The following DNM3 variants were observed in gnomAD, a reference collection of about 807,000 sequenced individuals.
DNM3 encodes dynamin 3, also known as dynamin-3.
In DNM3, 47 loss-of-function variants were observed where a neutral mutation model predicts 101.6. The ratio of observed to expected loss-of-function variants is 0.46; its 90% CI spans 0.37 to 0.59. The LOEUF (loss-of-function observed/expected upper bound fraction) is 0.59, where lower values mean the gene tolerates loss of function less well. DNM3 is among the 20% of genes least tolerant of loss of function. The pLI, the probability that DNM3 is intolerant of heterozygous loss-of-function variation, is 0.00. For missense variants in DNM3, 849 were observed against 1,085.7 expected (o/e 0.78, Z 3.06); for synonymous variants, 385 against 387.9 (o/e 0.99, Z 0.09).
intron 7 of DNM3, among the ~76,000 whole-genome samples, chr1:172,041,066 T>A (rs2049351517): frequency 6.6e-6 from 1 of 151,788 alleles, no homozygotes; most frequent in East Asian, 1.9e-4. Flanking sequence ...TTTAGAGGGG[T>A]CACAAATCTA....
chr1:171,884,498 A>G (rs1571409630), intron 1 of DNM3, among the ~76,000 whole-genome samples: 1 of 152,218 alleles, frequency 6.6e-6, no homozygotes, highest in African/African-American at 2.4e-5. Flanking sequence ...TTTTATATGC[A>G]TTAGATCCAT....
intron 14 of DNM3, among the ~76,000 whole-genome samples, chr1:172,240,034 C>G (rs1345367531): frequency 6.6e-6 from 1 of 151,964 alleles, no homozygotes; most frequent in Non-Finnish European, 1.5e-5. Context: ...AAGGGGCCCC[C>G]TTTTCCCTAT....
intron 20 of DNM3, chr1:172,394,311 A>C (rs2149094497): frequency 6.6e-6 from 1 of 152,350 alleles, no homozygotes; most frequent in South Asian, 2.1e-4. Context: ...AGTCTTGTGA[A>C]AGTCAGAATC....
At chr1:172,257,912 A>G (rs1312383087) in intron 15 of DNM3, among the ~76,000 whole-genome samples, 3 of 149,928 alleles carry the variant, frequency 2.0e-5, no homozygotes, top group Non-Finnish European at 3.0e-5. Context: ...ACACAGACAA[A>G]CAGACACACA....
Position 172,408,383 on chromosome 1 carries a change from T to A in DNM3, c.*542T>A, listed in dbSNP as rs2071037097. 5 of 986,062 alleles carry A rather than the reference T, an allele frequency of 5.1e-6. No homozygotes were observed. Among genetic ancestry groups the A allele is most frequent in the Non-Finnish European group, 6.0e-6 (5 of 830,450 alleles). 61.1% of individuals were successfully genotyped at this position (986,062 alleles called of 1,614,324 possible). A position where few individuals can be genotyped will look rare whatever the true frequency, so the allele number is the denominator to read the frequency against. On this transcript the variant is annotated 3_prime_UTR_variant, in exon 21 of 21. Coordinates refer to ENST00000627582, the MANE Select transcript of DNM3 (RefSeq NM_015569.5). ...AGTGATTTTTTAAAATTAGGACTCC[T>A]TAAGAATAAACTTTTCCAGAAGCAC...
rs139831143 is a variant in DNM3, at chr1:172,406,141, G to A, written c.2523-1631G>A. 3.6e-3 allele frequency among the ~76,000 whole-genome samples: 550 copies of A among 151,974 alleles called. 3 individuals are homozygous for A. Among genetic ancestry groups the A allele is most frequent in the African/African-American group, 0.012 (517 of 41,470 alleles). ...AAGCCTAATTAGAGTTCAGTGTGAT[G>A]ACTAATAATAGAGATTTGTTGAGAT... On this transcript the variant is annotated intron_variant, in intron 20 of 20. Coordinates refer to ENST00000627582, the MANE Select transcript of DNM3 (RefSeq NM_015569.5).
intron 17 of DNM3, among the ~76,000 whole-genome samples, chr1:172,340,192 G>A (rs1434961621): frequency 1.3e-5 from 2 of 152,174 alleles, no homozygotes; most frequent in African/African-American, 2.4e-5. Context: ...AATAGATGAT[G>A]ATGCAAATGA....
Position 171,988,958 on chromosome 1 carries a change from C to G in DNM3, c.399C>G (p.Thr133=), listed in dbSNP as rs780716638. The G allele has an allele frequency of 1.9e-6, 3 of 1,591,430 alleles. No individual in the cohort carries two copies. Among genetic ancestry groups the G allele is most frequent in the Non-Finnish European group, 2.6e-6 (3 of 1,167,904 alleles). ...RVYSPHVLNL[T]LIDLPGITKV... is the part of the protein sequence containing the mutation. The stretch of plus-strand genomic sequence containing the variant: ...CTTTCCACACAGTGTTAAATCTAAC[C>G]CTTATTGATCTACCTGGAATAACTA... The change falls in exon 4 of 21, where the codon ACC becomes ACG. Residue 133 remains threonine, a synonymous_variant. Coordinates refer to ENST00000627582, the MANE Select transcript of DNM3 (RefSeq NM_015569.5).
At chr1:171,876,470 G>A (rs1416528329) in intron 1 of DNM3, among the ~76,000 whole-genome samples, 2 of 151,926 alleles carry the variant, frequency 1.3e-5, no homozygotes, top group Non-Finnish European at 2.9e-5. Context: ...AAGCCTCCTT[G>A]ATAACCCCAG....
At chr1:171,935,214 A>G (rs1163520091) in intron 2 of DNM3, among the ~76,000 whole-genome samples, 2 of 152,106 alleles carry the variant, frequency 1.3e-5, no homozygotes, top group Admixed American at 6.5e-5. Flanking sequence ...TTCCAACACA[A>G]TGCCTATTTA....
intron 4 of DNM3, among the ~76,000 whole-genome samples, chr1:172,010,680 TTTTGTG>T (rs1156544425): frequency 5.8e-5 from 3 of 52,142 alleles, no homozygotes; most frequent in Non-Finnish European, 1.1e-4. Flanking sequence ...CCTTGGTATG[TTTTGTG>T]TGTGTGTGTG....
chr1:172,061,899 C>G (rs2125915529), intron 10 of DNM3, among the ~76,000 whole-genome samples: 1 of 152,188 alleles, frequency 6.6e-6, no homozygotes, highest in African/African-American at 2.4e-5. Context: ...TTCACCCCCT[C>G]TAATGGTTGC....
chr1:171,982,533 C>T (rs923382557), intron 2 of DNM3, among the ~76,000 whole-genome samples: 5 of 152,082 alleles, frequency 3.3e-5, no homozygotes, highest in Non-Finnish European at 5.9e-5. Flanking sequence ...CCTGCCCTAT[C>T]GGTTTTCCAG....
intron 14 of DNM3, chr1:172,132,835 A>C: frequency 1.3e-6 from 1 of 743,202 alleles, no homozygotes; most frequent in Non-Finnish European, 2.4e-6. Flanking sequence ...TAAAAATAAA[A>C]CAAAACCTTT....
At chr1:172,009,774 T>A (rs2046991881) in intron 4 of DNM3, among the ~76,000 whole-genome samples, 1 of 151,798 alleles carries the variant, frequency 6.6e-6, no homozygotes, top group Non-Finnish European at 1.5e-5. Context: ...GTTTACATAT[T>A]TTGCATATAT....
chr1:171,861,466 T>C (rs2034168901), intron 1 of DNM3, among the ~76,000 whole-genome samples: 1 of 152,132 alleles, frequency 6.6e-6, no homozygotes, highest in Admixed American at 6.6e-5. Flanking sequence ...TTAACAAAAG[T>C]ACCAAGATAA....
At chr1:172,157,116 G>A (rs2058368442) in intron 14 of DNM3, among the ~76,000 whole-genome samples, 1 of 152,056 alleles carries the variant, frequency 6.6e-6, no homozygotes, top group African/African-American at 2.4e-5. Context: ...AATGAAATAT[G>A]TATACAACTT....
intron 13 of DNM3, 114 bp downstream of exon 13, chr1:172,092,989 G>A (rs77415483): frequency 1.1e-6 from 1 of 950,100 alleles, no homozygotes; most frequent in African/African-American, 1.7e-5. Context: ...TGCTTGAAAT[G>A]CAGCTTTCAT....
intron 1 of DNM3, among the ~76,000 whole-genome samples, chr1:171,850,115 C>T (rs1474527468): frequency 6.6e-6 from 1 of 152,112 alleles, no homozygotes; most frequent in African/African-American, 2.4e-5. Flanking sequence ...GACTACTTAG[C>T]AAGAGTATGG....
Sources: gnomAD v4.1 joint callset for allele counts (sites outside exome capture counted in the v4.1 genomes callset) on GRCh38, gnomAD v4.1.1 for gene constraint, MANE v1.5 for transcripts, NCBI Gene and HGNC (gene_info 2026-07-23, HGNC 2026-07-21) for gene names.